RSAD2: variants seen among roughly 807,000 people sequenced by gnomAD.
RSAD2 encodes radical S-adenosyl methionine domain containing 2.
RSAD2 carries 38 observed loss-of-function variants against 37.7 expected under a neutral mutation model. That is an observed-to-expected ratio of 1.01 (90% CI 0.78 to 1.32). The LOEUF is 1.32. Among genes scored for constraint, RSAD2 ranks in the 40% most tolerant of loss-of-function variants. RSAD2 has a pLI of 0.00. For missense variants in RSAD2, 428 were observed against 437.5 expected, an observed-to-expected ratio of 0.98 and a Z score of 0.19; for synonymous variants, 163 against 157.4, an observed-to-expected ratio of 1.04 and a Z score of -0.27.
upstream of RSAD2, chr2:6,877,159 G>A (rs190128745): frequency 5.9e-5 from 9 of 152,328 alleles, no homozygotes; most frequent in Admixed American, 3.9e-4. Context: ...TCTATAAAAA[G>A]TGATATCAAA....
chr2:6,888,380 C>G (rs1171518746), intron 3 of RSAD2, among the ~76,000 whole-genome samples: 5 of 152,122 alleles, frequency 3.3e-5, no homozygotes, highest in African/African-American at 1.2e-4. Flanking sequence ...CTAGAAGGAA[C>G]TGGAGAAAAG....
intron 1 of RSAD2, chr2:6,866,622 C>T (rs772175776): frequency 5.3e-6 from 1 of 189,360 alleles, no homozygotes; most frequent in African/African-American, 2.4e-5. Flanking sequence ...TGCTGCCTAA[C>T]AGTGTAACTG....
intron 1 of RSAD2, among the ~76,000 whole-genome samples, chr2:6,879,791 G>A (rs1226831196): frequency 2.6e-5 from 4 of 152,022 alleles, no homozygotes; most frequent in Non-Finnish European, 5.9e-5. Context: ...CTTAAGAAAT[G>A]TTTTAGATAA....
upstream of RSAD2, among the ~76,000 whole-genome samples, chr2:6,876,016 C>T (rs1042172495): frequency 6.6e-6 from 1 of 152,172 alleles, no homozygotes; most frequent in African/African-American, 2.4e-5. Context: ...CTCCCTTGCT[C>T]GTGTGGTCCT....
chr2:6,865,897 C>T, exon 1 of RSAD2: 2 of 1,412,774 alleles, frequency 1.4e-6, no homozygotes, highest in African/African-American at 1.5e-5. Context: ...CTCCTCCTCG[C>T]CGCGAGATGT....
In RSAD2 at chr2:6,890,279, A is replaced by G; in HGVS notation, c.842A>G (p.Glu281Gly). The G allele has an allele frequency of 6.2e-7, 1 of 1,614,232 alleles. No homozygotes were observed. The highest frequency in any genetic ancestry group is 8.5e-7 in the Non-Finnish European group (1 of 1,180,036). Residue 281 changes from glutamate to glycine, a missense_variant, in exon 4 of 6, where the codon GAG becomes GGG. By Grantham distance (98) the Glu-to-Gly change is moderately conservative. Transcript: ENST00000382040. ...GATGAAGAATTTGAAAGATTCTTGG[A>G]GCGCCACAAAGAAGTGTCCTGCTTG... The part of the protein sequence containing the change: ...IGDEEFERFL[E>G]RHKEVSCLVP...
At chr2:6,882,408 A>G (rs1337318353) in intron 1 of RSAD2, among the ~76,000 whole-genome samples, 1 of 148,038 alleles carries the variant, frequency 6.8e-6, no homozygotes, top group East Asian at 2.0e-4. Context: ...GGTTTCTAAA[A>G]TTAAAATCTT....
chr2:6,866,430 G>C (rs912720921), intron 1 of RSAD2: 1 of 985,424 alleles, frequency 1.0e-6, no homozygotes, highest in African/African-American at 1.7e-5. Context: ...ACTCACCTGT[G>C]CACAAGCTTT....
At chr2:6,893,787 T>G (rs1663679823) in intron 5 of RSAD2, 84 bp downstream of exon 5, 2 of 913,882 alleles carry the variant, frequency 2.2e-6, no homozygotes, top group Admixed American at 3.6e-5. Flanking sequence ...TGAGCATAAC[T>G]ATCTAGTACC....
chr2:6,889,813 G>A (rs1295378208), intron 3 of RSAD2, among the ~76,000 whole-genome samples: 1 of 152,074 alleles, frequency 6.6e-6, no homozygotes, highest in African/African-American at 2.4e-5. Context: ...AGAAAACAAT[G>A]TTTTTAAAAT....
chr2:6,871,203 CCAACACCAAA>C (rs1364707436), intron 1 of RSAD2, among the ~76,000 whole-genome samples: 1 of 152,204 alleles, frequency 6.6e-6, no homozygotes, highest in African/African-American at 2.4e-5. Flanking sequence ...GCTTGCAGGA[CCAACACCAAA>C]GCTGTAGAAA....
upstream of RSAD2, chr2:6,877,585 G>T: frequency 1.8e-6 from 1 of 564,936 alleles, no homozygotes; most frequent in East Asian, 3.0e-5. Flanking sequence ...GAGAAACCAG[G>T]AATGCTCGCC....
chr2:6,878,547 T>A (rs1040759721), intron 1 of RSAD2, among the ~76,000 whole-genome samples: 2 of 152,196 alleles, frequency 1.3e-5, no homozygotes, highest in Non-Finnish European at 2.9e-5. Flanking sequence ...TTATTAATAA[T>A]TAGAAAAGTT....
At chr2:6,892,455 A>T (rs1663653284) in intron 4 of RSAD2, among the ~76,000 whole-genome samples, 1 of 152,178 alleles carries the variant, frequency 6.6e-6, no homozygotes, top group African/African-American at 2.4e-5. Flanking sequence ...CCTTTGTAAG[A>T]GGGACTGTTA....
At chr2:6,883,752 A>G in intron 2 of RSAD2, 2 of 562,504 alleles carry the variant, frequency 3.6e-6, no homozygotes, top group Non-Finnish European at 6.3e-6. Flanking sequence ...AAGTTAGATA[A>G]TAGACCTTTT....
intron 3 of RSAD2, among the ~76,000 whole-genome samples, chr2:6,887,963 T>C (rs1312557920): frequency 6.6e-6 from 1 of 152,212 alleles, no homozygotes; most frequent in Non-Finnish European, 1.5e-5. Context: ...TAGAAAGCTA[T>C]GTGTGCTACC....
Position 6,887,012 on chromosome 2 carries a change from G to A in RSAD2, c.586G>A (p.Gly196Arg). 1.2e-6 allele frequency: 2 copies of A among 1,614,182 alleles called. No individual in the cohort carries two copies. The highest frequency in any genetic ancestry group is 1.6e-4 in the Middle Eastern group (1 of 6,062). ...CAATGTCCTTATTGGCCGTGGCCAA[G>A]GAAAGAAGAACCATGTGGAAAACCT... ...EVNVLIGRGQ[G>R]KKNHVENLQK... Residue 196 changes from glycine (G) to arginine (R), a missense_variant, in exon 3 of 6, where the codon GGA becomes AGA. Transcript: ENST00000382040.
intron 5 of RSAD2, 105 bp from the exon 6 acceptor site, chr2:6,895,672 TC>T: frequency 9.7e-7 from 1 of 1,030,450 alleles, no homozygotes. Flanking sequence ...AAGATACCTG[TC>T]GACATGACTG....
chr2:6,887,192 T>G (rs9917321), intron 3 of RSAD2, 28 bp downstream of exon 3: 1 of 1,553,164 alleles, frequency 6.4e-7, no homozygotes, highest in Non-Finnish European at 8.9e-7. Context: ...CTTTTGCTGA[T>G]TTCCTTCAAG....
Sources: allele counts gnomAD v4.1 joint callset (sites outside exome capture counted in the v4.1 genomes callset), GRCh38; gene constraint gnomAD v4.1.1; transcripts MANE v1.5; gene names NCBI Gene and HGNC (gene_info 2026-07-23, HGNC 2026-07-21).